Variants in GDPD4 observed in about 807,000 individuals in gnomAD.
The protein encoded by GDPD4 is glycerophosphodiester phosphodiesterase 6.
GDPD4 carries 60 observed loss-of-function variants against 67.8 expected under a neutral mutation model. The observed-to-expected ratio is 0.88, with a 90% CI of 0.72 to 1.10. GDPD4 has a LOEUF of 1.10. GDPD4 is among the 50% of genes least tolerant of loss of function. The pLI is 0.00. For missense variants in GDPD4, 623 were observed against 613.9 expected, an observed-to-expected ratio of 1.01 and a Z score of -0.16; for synonymous variants, 212 against 210.9, an observed-to-expected ratio of 1.00 and a Z score of -0.04.
rs528993949 is a variant in GDPD4 at position 77,296,707 on chromosome 11, T to A, written c.-254+4898A>T. Among the ~76,000 whole-genome samples the A allele has an allele frequency of 6.6e-5, 10 of 152,046 alleles. No homozygotes were observed. The East Asian group carries it at 1.9e-3, about 29-fold the overall frequency. On this transcript the variant is annotated intron_variant, in intron 1 of 16. Transcript: ENST00000315938. Reference sequence around the variant, plus strand: ...TGGTTATTAACTGATTTACATTCAGTTGGTTTAGTAAATTACTAATTTTAG... The same window carrying A: ...TGGTTATTAACTGATTTACATTCAGATGGTTTAGTAAATTACTAATTTTAG...
rs115439919 is a variant in GDPD4 at position 77,275,463 on chromosome 11, C to G, written c.207+698G>C. Among the ~76,000 whole-genome samples, 1,411 of 152,286 alleles carry G rather than the reference C, an allele frequency of 9.3e-3. 32 individuals carry two copies. Among genetic ancestry groups the G allele is most frequent in the African/African-American group, 0.033 (1,364 of 41,558 alleles). ...TCAAAAAAGAAATTTCAGGGGGCTA[C>G]AGGAAGACAGGCATTGACTCCACCA... is the stretch of plus-strand genomic sequence containing the variant. On this transcript the variant is annotated intron_variant, in intron 5 of 16. Coordinates refer to ENST00000315938, the MANE Select transcript of GDPD4 (RefSeq NM_182833.3).
At chr11:77,259,084 T>C (rs1959062865) in intron 10 of GDPD4, among the ~76,000 whole-genome samples, 1 of 152,192 alleles carries the variant, frequency 6.6e-6, no homozygotes, top group African/African-American at 2.4e-5. Context: ...ACACAAGTGA[T>C]TCTTCTGCCT....
Position 77,233,156 on chromosome 11 carries a change from T to C in GDPD4, c.1258A>G (p.Asn420Asp), listed in dbSNP as rs772138837. ...ACGGTGTATACGTTGATATGGATGTTAGCTGCTTTATAATCTCTGGAACAA... is the reference window on the plus strand; with the variant it reads ...ACGGTGTATACGTTGATATGGATGTCAGCTGCTTTATAATCTCTGGAACAA... ...PNGLRDYKAA[N>D]IHINVYTVNE... The change falls in exon 14 of 17, where the codon AAC becomes GAC. Residue 420 changes from asparagine (N) to aspartate (D), a missense_variant. Asn to Asp is a conservative substitution (Grantham distance 23, BLOSUM62 1). Transcript: ENST00000315938. 4.3e-6 allele frequency: 7 copies of C among 1,613,746 alleles called. No individual in the cohort carries two copies. The African/African-American group carries it at 5.3e-5, about 12-fold the overall frequency.
At chr11:77,236,879 A>C (rs1958579827) in intron 13 of GDPD4, among the ~76,000 whole-genome samples, 1 of 152,202 alleles carries the variant, frequency 6.6e-6, no homozygotes, top group Non-Finnish European at 1.5e-5. Flanking sequence ...AGAAAGAAGG[A>C]ATAAGTCTTG....
intron 1 of GDPD4, among the ~76,000 whole-genome samples, chr11:77,289,721 A>G (rs551583904): frequency 4.0e-5 from 6 of 150,016 alleles, no homozygotes; most frequent in Non-Finnish European, 7.4e-5. Flanking sequence ...ACAGAGCAAG[A>G]CTCCATCTCA....
At chr11:77,278,763 A>T (rs1429504733) in intron 4 of GDPD4, among the ~76,000 whole-genome samples, 1 of 152,212 alleles carries the variant, frequency 6.6e-6, no homozygotes, top group Non-Finnish European at 1.5e-5. Flanking sequence ...ACCTGGCATA[A>T]ATTTCTCACA....
chr11:77,225,255 C>G (rs528038238), intron 16 of GDPD4, among the ~76,000 whole-genome samples: 1 of 150,334 alleles, frequency 6.7e-6, no homozygotes, highest in Admixed American at 6.6e-5. Context: ...GAGCTGAGAT[C>G]ATGCCACTGC....
chr11:77,231,908 C>A (rs577889503), intron 14 of GDPD4, among the ~76,000 whole-genome samples: 1 of 152,304 alleles, frequency 6.6e-6, no homozygotes, highest in African/African-American at 2.4e-5. Flanking sequence ...GGAAGCTGAC[C>A]AAGCCACCAT....
chr11:77,243,463 G>A (rs1009670134), intron 13 of GDPD4, among the ~76,000 whole-genome samples: 2 of 135,532 alleles, frequency 1.5e-5, no homozygotes, highest in African/African-American at 2.9e-5. Context: ...CACAGCAGAG[G>A]CTAAAGTCTA....
chr11:77,216,917 A>C lies in GDPD4; in HGVS notation c.*360T>G, dbSNP rs1398267892. On this transcript the variant is annotated 3_prime_UTR_variant, in exon 17 of 17. Coordinates refer to ENST00000315938, the MANE Select transcript of GDPD4 (RefSeq NM_182833.3). ...TTATTTGGAGTATTCAGCCATGGGG[A>C]TCTCTTAGAGGTCTCTTATTTAAGG... 1.4e-6 allele frequency: 1 copy of C among 697,464 alleles called. No homozygotes were observed. Among genetic ancestry groups the C allele is most frequent in the Non-Finnish European group, 2.6e-6 (1 of 382,230 alleles). The allele number at this position is 697,464 out of a possible 1,614,324, so 43.2% of individuals were successfully genotyped here.
chr11:77,263,593 T>A (rs1434191964), intron 10 of GDPD4, among the ~76,000 whole-genome samples: 1 of 151,940 alleles, frequency 6.6e-6, no homozygotes, highest in Non-Finnish European at 1.5e-5. Flanking sequence ...CAAAAACTAA[T>A]AAGCAAGATA....
At chr11:77,298,491 T>A (rs775871455) in intron 1 of GDPD4, among the ~76,000 whole-genome samples, 1 of 152,086 alleles carries the variant, frequency 6.6e-6, no homozygotes, top group Non-Finnish European at 1.5e-5. Context: ...CAGCCTGGGG[T>A]CTCAAAAAAA....
chr11:77,251,068 C>CAT (rs1399313219), intron 11 of GDPD4, among the ~76,000 whole-genome samples: 1 of 152,124 alleles, frequency 6.6e-6, no homozygotes, highest in Non-Finnish European at 1.5e-5. Flanking sequence ...TTGTAGGCAG[C>CAT]ATATAGTTGA....
intron 5 of GDPD4, among the ~76,000 whole-genome samples, chr11:77,272,567 G>A (rs1422584449): frequency 2.0e-5 from 3 of 152,136 alleles, no homozygotes; most frequent in Non-Finnish European, 4.4e-5. Context: ...CCTGAGGCCA[G>A]GAGTTCGAGA....
intron 5 of GDPD4, among the ~76,000 whole-genome samples, chr11:77,275,144 T>C (rs115571624): frequency 0.01 from 1,527 of 152,304 alleles, 33 homozygotes; most frequent in African/African-American, 0.035. Flanking sequence ...GCATTATGCA[T>C]TGTAGGCATA....
rs182253386 is a variant in GDPD4 at position 77,283,924 on chromosome 11, C to T, written c.53+1161G>A. 1.6e-3 allele frequency among the ~76,000 whole-genome samples: 230 copies of T among 146,588 alleles called. 3 individuals carry two copies. The highest frequency in any genetic ancestry group is 5.6e-3 in the African/African-American group (223 of 39,694). The stretch of plus-strand genomic sequence containing the variant: ...AGGCTGGAATGCAGTGGCACGATCT[C>T]GGCTCACTGCAACCTCTGCCTCCCA... On this transcript the variant is annotated intron_variant, in intron 3 of 16. Coordinates refer to ENST00000315938, the MANE Select transcript of GDPD4 (RefSeq NM_182833.3).
At position 77,228,224 on chromosome 11, in the gene GDPD4, C is replaced by T. The variant is rs142567364; in HGVS notation, c.1473-308G>A. 9.5e-3 allele frequency among the ~76,000 whole-genome samples: 1,445 copies of T among 151,876 alleles called. 11 individuals are homozygous for T. The highest frequency in any genetic ancestry group is 0.016 in the Non-Finnish European group (1,083 of 67,956). The stretch of plus-strand genomic sequence containing the variant: ...AAAAATTAGCCAGGCATGGGCCAGG[C>T]AGGGTGGCTCACCCCTGTAATCCCG... On this transcript the variant is annotated intron_variant, in intron 15 of 16. Transcript: ENST00000315938.
chr11:77,233,690 A>T (rs572432204), intron 13 of GDPD4, among the ~76,000 whole-genome samples: 1 of 152,296 alleles, frequency 6.6e-6, no homozygotes, highest in South Asian at 2.1e-4. Context: ...TACTCGAATG[A>T]TCTGCTCATT....
intron 11 of GDPD4, 41 bp from the exon 12 acceptor site, chr11:77,245,543 C>T (rs1218257873): frequency 1.4e-6 from 2 of 1,410,002 alleles, no homozygotes; most frequent in Non-Finnish European, 2.0e-6. Flanking sequence ...AAGCACTTTC[C>T]AGTTCTCCTA....
Sources: allele counts gnomAD v4.1 joint callset (sites outside exome capture counted in the v4.1 genomes callset), GRCh38; gene constraint gnomAD v4.1.1; transcripts MANE v1.5; gene names NCBI Gene and HGNC (gene_info 2026-07-23, HGNC 2026-07-21).